The following LINGO2 variants were observed in gnomAD, a reference collection of about 807,000 sequenced individuals.
LINGO2 encodes the protein leucine-rich repeat and immunoglobulin-like domain-containing nogo receptor-interacting protein 2.
Under a neutral mutation model 30.6 loss-of-function variants are expected in LINGO2, and 14 were observed. The ratio of observed to expected loss-of-function variants is 0.46; its 90% CI spans 0.30 to 0.72. The LOEUF is 0.72. Among genes scored for constraint, LINGO2 ranks in the 30% least tolerant of loss-of-function variants. The pLI is 0.07. For synonymous variants in LINGO2, 317 were observed against 288.5 expected (o/e 1.10, Z -1.00); for missense variants, 729 against 751.7 (o/e 0.97, Z 0.35).
chr9:28,495,581 T>C (rs532418167), intron 1 of LINGO2, among the ~76,000 whole-genome samples: 1 of 152,264 alleles, frequency 6.6e-6, no homozygotes, highest in African/African-American at 2.4e-5. Context: ...TCTATATCTC[T>C]GTTTTGATAC....
chr9:28,126,480 T>C lies in LINGO2; in HGVS notation c.-86-114075A>G, dbSNP rs566542532. On this transcript the variant is annotated intron_variant, in intron 4 of 5. Transcript: ENST00000379992. ...GTAGGGAATCTCCCAAACGAACTGA[T>C]GTTGCTGTCCCTTTCAGACCACATC... 2.0e-5 allele frequency among the ~76,000 whole-genome samples: 3 copies of C among 152,320 alleles called. No homozygotes were observed. The East Asian group carries it at 5.8e-4, about 29-fold the overall frequency.
the LINGO2 span, among the ~76,000 whole-genome samples, chr9:28,718,780 G>A: frequency 6.6e-6 from 1 of 151,976 alleles, no homozygotes; most frequent in Non-Finnish European, 1.5e-5. Context: ...CTGACAATGT[G>A]TGAACAAATG....
At chr9:28,771,467 G>T in the LINGO2 span, among the ~76,000 whole-genome samples, 1 of 99,558 alleles carries the variant, frequency 1.0e-5, no homozygotes, top group South Asian at 3.6e-4. Context: ...GTGTGTGTGT[G>T]TGTGTGTGTG....
the LINGO2 span, among the ~76,000 whole-genome samples, chr9:28,744,728 C>T: frequency 2.0e-5 from 3 of 150,860 alleles, no homozygotes; most frequent in African/African-American, 7.3e-5. Context: ...CCTCTGCCTC[C>T]TGGATTCAAG....
chr9:28,807,256 C>T, the LINGO2 span, among the ~76,000 whole-genome samples: 10 of 151,976 alleles, frequency 6.6e-5, no homozygotes, highest in African/African-American at 2.4e-4. Flanking sequence ...ATCTCCTGAC[C>T]TTGAGATCTG....
At chr9:29,169,074 A>C in the LINGO2 span, among the ~76,000 whole-genome samples, 1 of 151,980 alleles carries the variant, frequency 6.6e-6, no homozygotes, top group Non-Finnish European at 1.5e-5. Context: ...CAGCCTCCTG[A>C]GTAGCTGGGA....
intron 4 of LINGO2, among the ~76,000 whole-genome samples, chr9:28,231,453 A>G (rs1587280212): frequency 6.6e-6 from 1 of 152,076 alleles, no homozygotes; most frequent in African/African-American, 2.4e-5. Context: ...ATTCTTAAAT[A>G]TTTAAGAAAT....
At chr9:28,253,182 G>A (rs1209118624) in intron 4 of LINGO2, among the ~76,000 whole-genome samples, 2 of 152,110 alleles carry the variant, frequency 1.3e-5, no homozygotes, top group Non-Finnish European at 2.9e-5. Context: ...TGATTTTCAT[G>A]TGGTATTAGA....
intron 1 of LINGO2, among the ~76,000 whole-genome samples, chr9:28,492,805 C>A (rs575806382): frequency 1.3e-5 from 2 of 151,970 alleles, no homozygotes; most frequent in Non-Finnish European, 2.9e-5. Context: ...TCAATAAATG[C>A]AGAACTGCAA....
At chr9:28,263,824 A>T (rs370326665) in intron 4 of LINGO2, among the ~76,000 whole-genome samples, 37 of 152,040 alleles carry the variant, frequency 2.4e-4, no homozygotes, top group African/African-American at 8.7e-4. Flanking sequence ...CAGTTGGCTA[A>T]GATGGGTTAA....
chr9:28,039,297 G>C (rs1824091797), intron 4 of LINGO2, among the ~76,000 whole-genome samples: 1 of 152,196 alleles, frequency 6.6e-6, no homozygotes, highest in Non-Finnish European at 1.5e-5. Context: ...CAATACACTT[G>C]ACTACGCAAT....
chr9:28,697,731 C>T, the LINGO2 span, among the ~76,000 whole-genome samples: 1 of 151,910 alleles, frequency 6.6e-6, no homozygotes, highest in African/African-American at 2.4e-5. Context: ...TCTTGCTATG[C>T]TTTTTGTTAA....
chr9:28,053,489 A>G (rs1042765484), intron 4 of LINGO2, among the ~76,000 whole-genome samples: 2 of 152,154 alleles, frequency 1.3e-5, no homozygotes, highest in Admixed American at 6.6e-5. Flanking sequence ...AAAATAGAAT[A>G]GAAACTGAAT....
chr9:29,191,502 C>G, the LINGO2 span, among the ~76,000 whole-genome samples: 1 of 151,824 alleles, frequency 6.6e-6, no homozygotes, highest in Admixed American at 6.6e-5. Context: ...TTTTAAATAA[C>G]CATTCCTGTT....
chr9:29,171,997 T>C, the LINGO2 span, among the ~76,000 whole-genome samples: 1 of 151,904 alleles, frequency 6.6e-6, no homozygotes, highest in South Asian at 2.1e-4. Context: ...GTTGTTATAA[T>C]GAGAAAATAC....
chr9:28,229,455 AAAG>A (rs1218694770), intron 4 of LINGO2, among the ~76,000 whole-genome samples: 2 of 151,752 alleles, frequency 1.3e-5, no homozygotes, highest in Non-Finnish European at 1.5e-5. Context: ...TCAGAGGAGC[AAAG>A]AAGAAGATGA....
At chr9:28,795,509 G>A in the LINGO2 span, among the ~76,000 whole-genome samples, 1 of 151,914 alleles carries the variant, frequency 6.6e-6, no homozygotes, top group Non-Finnish European at 1.5e-5. Context: ...CATGGTATCT[G>A]TGCTATAAAC....
chr9:29,000,514 C>T, the LINGO2 span, among the ~76,000 whole-genome samples: 10 of 151,842 alleles, frequency 6.6e-5, no homozygotes, highest in Admixed American at 6.6e-4. Context: ...TTTATCCCTA[C>T]TAAAAACAAA....
the LINGO2 span, among the ~76,000 whole-genome samples, chr9:28,682,018 A>C: frequency 6.6e-6 from 1 of 152,174 alleles, no homozygotes; most frequent in African/African-American, 2.4e-5. Flanking sequence ...AAATGGCAGC[A>C]GAACTTTGGC....
Sources: allele counts gnomAD v4.1 joint callset (sites outside exome capture counted in the v4.1 genomes callset), GRCh38; gene constraint gnomAD v4.1.1; transcripts MANE v1.5; gene names NCBI Gene and HGNC (gene_info 2026-07-23, HGNC 2026-07-21).